Variants in MAD2L2 observed in about 807,000 individuals in gnomAD.
The protein encoded by MAD2L2 is mitotic arrest deficient 2 like 2.
A neutral mutation model predicts 30.5 loss-of-function variants in MAD2L2; 17 were observed. The observed-to-expected ratio is 0.56, with a 90% confidence interval of 0.38 to 0.84. MAD2L2 has a LOEUF of 0.84. Ranked by LOEUF, MAD2L2 falls within the 40% of genes least tolerant of loss-of-function variation. The pLI is 0.00. For missense variants in MAD2L2, 213 were observed against 277.4 expected (o/e 0.77, Z 1.65); for synonymous variants, 101 against 113.9 (o/e 0.89, Z 0.72).
At chr1:11,676,212 A>G in intron 5 of MAD2L2, 72 bp from the exon 6 acceptor site, 1 of 996,194 alleles carries the variant, frequency 1.0e-6, no homozygotes, top group Non-Finnish European at 1.5e-6. Flanking sequence ...GCCTGGATGC[A>G]GACCTGGGGT....
intron 4 of MAD2L2, 118 bp from the exon 5 acceptor site, chr1:11,677,066 C>T: frequency 1.3e-6 from 1 of 790,986 alleles, no homozygotes; most frequent in Non-Finnish European, 2.1e-6. Flanking sequence ...CCCTGCTCAG[C>T]TGCTAGGCTG....
Position 11,690,948 on chromosome 1 carries a change from T to TTG in MAD2L2, c.-692+463_-692+464dup, listed in dbSNP as rs796427144. Among the ~76,000 whole-genome samples, 259 of 144,844 alleles carry TTG rather than the reference T, an allele frequency of 1.8e-3. 4 individuals carry two copies. The East Asian group carries it at 0.023, about 13-fold the overall frequency. On this transcript the variant is annotated intron_variant, in intron 1 of 10. Coordinates refer to the MAD2L2 transcript ENST00000235310. This position sits in a 1 kb window ranked among gnomAD's most constrained non-coding sequence, Gnocchi z 4.2. ...CGTGTGAGTGTGTGTGTGTGTGTGT[T>TTG]TGTGTGTGTGTGTATTGGGGCGGTT...
chr1:11,675,695 G>A lies in MAD2L2; in HGVS notation c.464C>T (p.Ala155Val). 6.2e-7 allele frequency: 1 copy of A among 1,614,084 alleles called. No homozygotes were observed. The highest frequency in any genetic ancestry group is 1.6e-4 in the Middle Eastern group (1 of 6,062). Residue 155 changes from alanine to valine, a missense_variant, in exon 7 of 9, where the codon GCC (alanine) becomes GTC (valine). By Grantham distance (64) the Ala-to-Val change is moderately conservative. Transcript: ENST00000376692. ...TFTVLVHTREAATRNMEKIQV... is the reference protein window; with the variant it reads ...TFTVLVHTREVATRNMEKIQV... Reference sequence around the variant, plus strand: ...GATCTTCTCCATGTTGCGAGTGGCGGCTTCTCTCGTGTGCACCAGGACTGT... The same window carrying A: ...GATCTTCTCCATGTTGCGAGTGGCGACTTCTCTCGTGTGCACCAGGACTGT...
upstream of MAD2L2, among the ~76,000 whole-genome samples, chr1:11,682,264 A>G (rs1210890441): frequency 6.6e-6 from 1 of 152,184 alleles, no homozygotes; most frequent in Non-Finnish European, 1.5e-5. Flanking sequence ...TTTACAAGTG[A>G]GAAAACTAAG....
chr1:11,687,876 A>G lies in MAD2L2; in HGVS notation c.-692+3537T>C, dbSNP rs928534255. Reference sequence around the variant, plus strand: ...TGCTTATCCAGTCATCAGTTGATGAATATTGGAGCCTGCTTTGGCCCCTCA... The same window carrying G: ...TGCTTATCCAGTCATCAGTTGATGAGTATTGGAGCCTGCTTTGGCCCCTCA... On this transcript the variant is annotated intron_variant, in intron 1 of 10. Transcript: ENST00000235310. This position sits in a 1 kb window ranked among gnomAD's most constrained non-coding sequence, Gnocchi z 4.1. Among the ~76,000 whole-genome samples, 1 of 152,192 alleles carries G rather than the reference A, an allele frequency of 6.6e-6. No homozygotes were observed. Among genetic ancestry groups the G allele is most frequent in the African/African-American group, 2.4e-5 (1 of 41,442 alleles).
rs999316266 is a variant in MAD2L2 at position 11,674,626 on chromosome 1, C to A, written c.*149G>T. 4.3e-5 allele frequency: 33 copies of A among 768,764 alleles called. No individual in the cohort carries two copies. Among genetic ancestry groups the A allele is most frequent in the Non-Finnish European group, 6.9e-5 (32 of 464,110 alleles). The allele number at this position is 768,764 out of a possible 1,614,324, so 47.6% of individuals were successfully genotyped here. A position where few individuals can be genotyped will look rare whatever the true frequency, so the allele number is the denominator to read the frequency against. ...CCTCCTGGGGGAGGCATCCTCCAAG[C>A]AGACCTGAGCGGCCCCGGGCTGGGG... On this transcript the variant is annotated 3_prime_UTR_variant, in exon 9 of 9. Transcript: ENST00000376692. This position sits in a 1 kb window ranked among gnomAD's most constrained non-coding sequence, Gnocchi z 6.1.
chr1:11,677,673 C>A, intron 3 of MAD2L2, 59 bp from the exon 4 acceptor site: 2 of 1,440,446 alleles, frequency 1.4e-6, no homozygotes, highest in Non-Finnish European at 1.9e-6. Flanking sequence ...AACCACCCAA[C>A]ACAACCAGGA....
Position 11,676,774 on chromosome 1 carries a change from G to C in MAD2L2, c.332+74C>G, listed in dbSNP as rs564187566. 5.0e-6 allele frequency: 6 copies of C among 1,189,038 alleles called. No homozygotes were observed. The Admixed American group carries it at 1.1e-4, about 21-fold the overall frequency. The allele number at this position is 1,189,038 out of a possible 1,614,324, so 73.7% of individuals were successfully genotyped here. Reference sequence around the variant, plus strand: ...GCCTTTACCAAGGTATTCAAGGGCCGCCTTAAAGGGGTGGGTGTGTTGCCA... The same window carrying C: ...GCCTTTACCAAGGTATTCAAGGGCCCCCTTAAAGGGGTGGGTGTGTTGCCA... On this transcript the variant is annotated intron_variant, in intron 5 of 8. Coordinates refer to ENST00000376692, the MANE Select transcript of MAD2L2 (RefSeq NM_006341.4).
intron 3 of MAD2L2, among the ~76,000 whole-genome samples, chr1:11,680,042 C>T (rs1217952165): frequency 1.6e-5 from 2 of 128,232 alleles, no homozygotes; most frequent in South Asian, 2.5e-4. Flanking sequence ...GTCACCCAGG[C>T]TGGAATGCAG....
In MAD2L2 at chr1:11,680,409, C is replaced by T. The variant is rs200358078; in HGVS notation, c.103G>A (p.Glu35Lys). ...TGGAAGATGCCCACGGGGTAGACCT[C>T]GCGCACGTAGAGGATGAGATGCACA... The part of the protein sequence containing the change: ...VAVHLILYVR[E>K]VYPVGIFQKR... Residue 35 changes from glutamate (E) to lysine (K), a missense_variant, in exon 3 of 9, where the codon GAG becomes AAG. Coordinates refer to ENST00000376692, the MANE Select transcript of MAD2L2 (RefSeq NM_006341.4). 2 of 1,613,978 alleles carry T rather than the reference C, an allele frequency of 1.2e-6. No homozygotes were observed. The highest frequency in any genetic ancestry group is 2.2e-5 in the East Asian group (1 of 44,866).
In MAD2L2 at chr1:11,690,127, A is replaced by C. The variant is rs1311842861; in HGVS notation, c.-692+1286T>G. Among the ~76,000 whole-genome samples the C allele has an allele frequency of 6.6e-6, 1 of 152,076 alleles. No homozygotes were observed. Among genetic ancestry groups the C allele is most frequent in the Non-Finnish European group, 1.5e-5 (1 of 67,996 alleles). On this transcript the variant is annotated intron_variant, in intron 1 of 10. Coordinates refer to the MAD2L2 transcript ENST00000235310. This position sits in a 1 kb window ranked among gnomAD's most constrained non-coding sequence, Gnocchi z 4.2. Reference sequence around the variant, plus strand: ...GTGCTTTACTTTTCTTCATAGCACTAATCACCACCTGACATCATTTATATT... The same window carrying C: ...GTGCTTTACTTTTCTTCATAGCACTCATCACCACCTGACATCATTTATATT...
In MAD2L2 at chr1:11,676,872, G is replaced by A. The variant is rs767890687; in HGVS notation, c.308C>T (p.Thr103Ile). Residue 103 changes from threonine (T) to isoleucine (I), a missense_variant, in exon 5 of 9, where the codon ACC (threonine) becomes ATC (isoleucine). Transcript: ENST00000376692. ...RPVEKFVFEI[T>I]QPPLLSISSD... ...CCTGATGGACAGCAGTGGAGGCTGG[G>A]TGATCTCAAAGACGAATTTCTCCAC... 1.2e-6 allele frequency: 2 copies of A among 1,614,158 alleles called. No individual in the cohort carries two copies. The highest frequency in any genetic ancestry group is 1.7e-6 in the Non-Finnish European group (2 of 1,179,980).
chr1:11,676,668 T>C, intron 5 of MAD2L2, 180 bp downstream of exon 5: 2 of 620,450 alleles, frequency 3.2e-6, no homozygotes, highest in Non-Finnish European at 5.7e-6. Context: ...GGGTAGCTCA[T>C]GTCATCTCTC....
At chr1:11,678,442 A>G (rs1201914745) in intron 3 of MAD2L2, among the ~76,000 whole-genome samples, 1 of 152,190 alleles carries the variant, frequency 6.6e-6, no homozygotes, top group Non-Finnish European at 1.5e-5. Flanking sequence ...CTCAATCCCA[A>G]TATGAGCATT....
At chr1:11,685,788 C>CA (rs1424462193), upstream of MAD2L2, among the ~76,000 whole-genome samples, 3 of 151,998 alleles carry the variant, frequency 2.0e-5, no homozygotes, top group Admixed American at 1.3e-4. Context: ...AAAAACTCTA[C>CA]AAAAAATATA....
At chr1:11,680,722 A>C (rs1444004894) in intron 1 of MAD2L2, 109 bp from the exon 2 acceptor site, 170 of 1,434,890 alleles carry the variant, frequency 1.2e-4, no homozygotes, top group Non-Finnish European at 1.4e-4. Context: ...CTGGGGAAGG[A>C]CCTCCCGCTT....
upstream of MAD2L2, among the ~76,000 whole-genome samples, chr1:11,683,322 C>G (rs988680665): frequency 6.6e-6 from 1 of 152,194 alleles, no homozygotes; most frequent in Non-Finnish European, 1.5e-5. Flanking sequence ...AGGACATAAA[C>G]TCAACTGTCA....
chr1:11,687,702 T>C lies in MAD2L2; in HGVS notation c.-692+3711A>G, dbSNP rs1174666979. ...GGACTTGCCAATACGGAACATTCCA[T>C]ATAAAAGTAATTGTACAAAATATGG... On this transcript the variant is annotated intron_variant, in intron 1 of 10. Transcript: ENST00000235310. This position sits in a 1 kb window ranked among gnomAD's most constrained non-coding sequence, Gnocchi z 4.1. 1.3e-5 allele frequency among the ~76,000 whole-genome samples: 2 copies of C among 152,234 alleles called. No homozygotes were observed. Among genetic ancestry groups the C allele is most frequent in the East Asian group, 3.8e-4 (2 of 5,204 alleles).
chr1:11,675,520 C>G, intron 7 of MAD2L2, 138 bp downstream of exon 7: 2 of 842,364 alleles, frequency 2.4e-6, no homozygotes, highest in Middle Eastern at 2.5e-4. Flanking sequence ...AGTGGACAGG[C>G]CTGAGGACCT....
Sources: allele counts gnomAD v4.1 joint callset (sites outside exome capture counted in the v4.1 genomes callset), GRCh38; gene constraint gnomAD v4.1.1; non-coding constraint Gnocchi (gnomAD v3.1); transcripts MANE v1.5; gene names NCBI Gene and HGNC (gene_info 2026-07-23, HGNC 2026-07-21).